PTPRN2: variants seen among roughly 807,000 people sequenced by gnomAD.
PTPRN2 encodes the protein receptor-type tyrosine-protein phosphatase N2.
In PTPRN2, 74 loss-of-function variants were observed where a neutral mutation model predicts 118.8. That is an observed-to-expected ratio of 0.62 (90% CI 0.52 to 0.76). The LOEUF is 0.76. Ranked by LOEUF, PTPRN2 falls within the 30% of genes least tolerant of loss-of-function variation. The probability of loss-of-function intolerance (pLI) is 0.00; values close to 1 mark genes in which losing one functional copy is unlikely to be tolerated. For synonymous variants in PTPRN2, 641 were observed against 608.0 expected (o/e 1.05, Z -0.80); for missense variants, 1,481 against 1,394.4 (o/e 1.06, Z -0.99).
intron 1 of PTPRN2, among the ~76,000 whole-genome samples, chr7:158,523,392 G>GTGGAGT (rs1563392188): frequency 2.5e-4 from 34 of 133,588 alleles, no homozygotes; most frequent in African/African-American, 7.8e-4. Context: ...CTGCCCTGGA[G>GTGGAGT]CGGAGTCATC....
chr7:158,192,803 C>T (rs1825886481), intron 4 of PTPRN2, among the ~76,000 whole-genome samples: 1 of 152,208 alleles, frequency 6.6e-6, no homozygotes, highest in South Asian at 2.1e-4. Flanking sequence ...AGGGAGGAAG[C>T]TGCAGGTGTT....
chr7:157,643,844 G>A (rs902865369), intron 14 of PTPRN2, among the ~76,000 whole-genome samples: 2 of 152,246 alleles, frequency 1.3e-5, no homozygotes, highest in Admixed American at 6.5e-5. Context: ...TCACCAACTC[G>A]TGCAGCAGAT....
intron 2 of PTPRN2, among the ~76,000 whole-genome samples, chr7:158,452,921 C>T (rs922596973): frequency 4.6e-5 from 7 of 152,236 alleles, no homozygotes; most frequent in African/African-American, 1.7e-4. Flanking sequence ...GAGGGCCCCA[C>T]TCGGCTTGTC....
At chr7:158,498,726 C>T (rs1252223575) in intron 1 of PTPRN2, among the ~76,000 whole-genome samples, 1 of 152,166 alleles carries the variant, frequency 6.6e-6, no homozygotes. Flanking sequence ...GATGAAAATC[C>T]TTGAACATTA....
At chr7:158,486,645 T>G (rs893793571) in intron 2 of PTPRN2, among the ~76,000 whole-genome samples, 1 of 152,212 alleles carries the variant, frequency 6.6e-6, no homozygotes, top group African/African-American at 2.4e-5. Flanking sequence ...AGGGTCACTT[T>G]AAAGTTTCCA....
rs186270948 is a variant in PTPRN2, at chr7:158,451,231, G to A, written c.163+38504C>T. On this transcript the variant is annotated intron_variant, in intron 2 of 22. Coordinates refer to ENST00000389418, the MANE Select transcript of PTPRN2 (RefSeq NM_002847.5). ...TGTCAGGGTCCTCTCTGTTTTGAAC[G>A]TGAGATCTTTGTCGGTTACATGTCA... Among the ~76,000 whole-genome samples the A allele has an allele frequency of 7.2e-5, 11 of 152,254 alleles. No individual in the cohort carries two copies. In the East Asian group the frequency reaches 1.5e-3, roughly 21 times the overall value.
Position 157,617,065 on chromosome 7 carries a change from A to G in PTPRN2, c.2344+4297T>C, listed in dbSNP as rs7784733. The G allele has an allele frequency of 0.18, 26,889 of 152,194 alleles. 3,640 individuals carry two copies. The highest frequency in any genetic ancestry group is 0.38 in the African/African-American group (15,827 of 41,452). 9.4% of individuals were successfully genotyped at this position (152,194 alleles called of 1,614,324 possible). A position where few individuals can be genotyped will look rare whatever the true frequency, so the allele number is the denominator to read the frequency against. ...ATGAGGATGGCACTGGGGAGTCTGG[A>G]TTTCAGCTCTGACGGGCGGGCTCTA... On this transcript the variant is annotated intron_variant, in intron 15 of 22. Transcript: ENST00000389418. This position sits in a 1 kb window ranked among gnomAD's most constrained non-coding sequence, Gnocchi z 7.5.
intron 11 of PTPRN2, among the ~76,000 whole-genome samples, chr7:158,069,516 C>G (rs572070126): frequency 2.6e-5 from 4 of 151,734 alleles, no homozygotes; most frequent in East Asian, 1.9e-4. Flanking sequence ...TCTTTACCCC[C>G]CAAAGTGCTG....
chr7:157,930,330 G>T, intron 11 of PTPRN2, among the ~76,000 whole-genome samples: 1 of 152,200 alleles, frequency 6.6e-6, no homozygotes, highest in East Asian at 1.9e-4. Flanking sequence ...CACAAACGTT[G>T]CATAATAAAA....
At chr7:158,395,201 A>G (rs1284385983) in intron 2 of PTPRN2, among the ~76,000 whole-genome samples, 1 of 150,604 alleles carries the variant, frequency 6.6e-6, no homozygotes, top group South Asian at 2.1e-4. Flanking sequence ...GTACCCGAGC[A>G]CGGCCGCTAG....
intron 6 of PTPRN2, among the ~76,000 whole-genome samples, chr7:158,160,139 G>A (rs1233475685): frequency 6.6e-6 from 1 of 152,232 alleles, no homozygotes; most frequent in Non-Finnish European, 1.5e-5. Flanking sequence ...GACAAGGGGT[G>A]AAACTGTAGA....
chr7:158,545,028 G>A (rs1051428531), intron 1 of PTPRN2, among the ~76,000 whole-genome samples: 3 of 152,192 alleles, frequency 2.0e-5, no homozygotes, highest in Admixed American at 1.3e-4. Context: ...GAAGCTCCAG[G>A]TCCTTCCTGA....
At chr7:157,960,733 A>G (rs1456593088) in intron 11 of PTPRN2, among the ~76,000 whole-genome samples, 1 of 152,242 alleles carries the variant, frequency 6.6e-6, no homozygotes, top group Non-Finnish European at 1.5e-5. Flanking sequence ...ATGGTCAGGC[A>G]TGGTGGCTTA....
chr7:158,483,117 A>G (rs1240266790), intron 2 of PTPRN2, among the ~76,000 whole-genome samples: 2 of 152,194 alleles, frequency 1.3e-5, no homozygotes, highest in Non-Finnish European at 1.5e-5. Flanking sequence ...AACTGTCCAT[A>G]AAAACAGGCT....
intron 9 of PTPRN2, among the ~76,000 whole-genome samples, chr7:158,128,357 C>T (rs1342637490): frequency 6.6e-6 from 1 of 152,122 alleles, no homozygotes; most frequent in African/African-American, 2.4e-5. Flanking sequence ...AGATAGCTTC[C>T]AACCAGTTGA....
At chr7:158,580,870 G>A (rs1415074308) in intron 1 of PTPRN2, among the ~76,000 whole-genome samples, 2 of 152,092 alleles carry the variant, frequency 1.3e-5, no homozygotes, top group Admixed American at 6.5e-5. Flanking sequence ...ATTATGGGAA[G>A]GACAAAAGTC....
At position 157,898,681 on chromosome 7, in the gene PTPRN2, C is replaced by T. The variant is rs1797270830; in HGVS notation, c.1780G>A (p.Val594Ile). The change falls in exon 12 of 23, where the codon GTC becomes ATC. Residue 594 changes from valine to isoleucine, a missense_variant. By Grantham distance (29) the Val-to-Ile change is conservative. Coordinates refer to ENST00000389418, the MANE Select transcript of PTPRN2 (RefSeq NM_002847.5). ...TSGLKILQTG[V>I]GSKSKLKFLP... is the part of the protein sequence containing the mutation. ...CCCCTTCTGTTACTCACCGACCCGACTCCGGTTTGAAGAATTTTCAGTCCA... is the reference window on the plus strand; with the variant it reads ...CCCCTTCTGTTACTCACCGACCCGATTCCGGTTTGAAGAATTTTCAGTCCA... 1 of 1,600,292 alleles carries T rather than the reference C, an allele frequency of 6.2e-7. No homozygotes were observed. Among genetic ancestry groups the T allele is most frequent in the Non-Finnish European group, 8.6e-7 (1 of 1,167,336 alleles).
chr7:158,085,134 A>T (rs1813209453), intron 10 of PTPRN2, among the ~76,000 whole-genome samples: 1 of 103,956 alleles, frequency 9.6e-6, no homozygotes, highest in Non-Finnish European at 1.9e-5. Flanking sequence ...ATCCACACCC[A>T]CCACACCCAT....
At chr7:158,169,703 T>G (rs988563841) in intron 5 of PTPRN2, among the ~76,000 whole-genome samples, 1 of 152,086 alleles carries the variant, frequency 6.6e-6, no homozygotes, top group South Asian at 2.1e-4. Context: ...GATTTTTTTT[T>G]TTCTTTTGAG....
Sources: gnomAD v4.1 joint callset for allele counts (sites outside exome capture counted in the v4.1 genomes callset) on GRCh38, gnomAD v4.1.1 for gene constraint, Gnocchi (gnomAD v3.1) non-coding constraint, MANE v1.5 for transcripts, NCBI Gene and HGNC (gene_info 2026-07-23, HGNC 2026-07-21) for gene names.